Variants in SNX29 observed in about 807,000 individuals in gnomAD.
SNX29 encodes sorting nexin-29.
SNX29 carries 78 observed loss-of-function variants against 102.1 expected under a neutral mutation model. That is an observed-to-expected ratio of 0.76 (90% CI 0.64 to 0.92). SNX29 has a LOEUF of 0.92. Among genes scored for constraint, SNX29 ranks in the 40% least tolerant of loss-of-function variants. The pLI is 0.00. For synonymous variants in SNX29, 580 were observed against 414.5 expected (o/e 1.40, Z -4.85); for missense variants, 1,280 against 1,061.7 (o/e 1.21, Z -2.86).
intron 20 of SNX29, among the ~76,000 whole-genome samples, chr16:12,563,109 A>G (rs996341919): frequency 4.0e-5 from 6 of 148,252 alleles, no homozygotes; most frequent in Non-Finnish European, 6.1e-5. Flanking sequence ...CACGCTAACA[A>G]CAGAGCCTAG....
intron 20 of SNX29, among the ~76,000 whole-genome samples, chr16:12,561,789 T>G (rs925147570): frequency 7.9e-5 from 12 of 152,122 alleles, no homozygotes; most frequent in African/African-American, 2.7e-4. Flanking sequence ...GGACCACGCG[T>G]GGCCTGGCAG....
intron 13 of SNX29, among the ~76,000 whole-genome samples, chr16:12,172,392 A>G (rs1270843008): frequency 4.6e-5 from 7 of 152,132 alleles, no homozygotes; most frequent in East Asian, 1.9e-4. Flanking sequence ...GGTACCTCCA[A>G]TATCTCTGAG....
intron 19 of SNX29, among the ~76,000 whole-genome samples, chr16:12,484,233 C>T (rs564692771): frequency 6.6e-5 from 10 of 152,238 alleles, no homozygotes; most frequent in African/African-American, 1.9e-4. Context: ...ACTGCAGCCT[C>T]GAACTCCCCG....
chr16:12,207,690 G>T (rs1043225649), intron 14 of SNX29, among the ~76,000 whole-genome samples: 4 of 152,112 alleles, frequency 2.6e-5, no homozygotes, highest in East Asian at 3.9e-4. Context: ...GCTCAGGCCA[G>T]ATGTTGCATT....
rs376210990 is a variant in SNX29 at position 12,156,572 on chromosome 16, G to A, written c.1595+26814G>A. Among the ~76,000 whole-genome samples the A allele has an allele frequency of 9.2e-5, 14 of 152,330 alleles. No homozygotes were observed. The East Asian group carries it at 1.5e-3, about 17-fold the overall frequency. On this transcript the variant is annotated intron_variant, in intron 13 of 20. Coordinates refer to ENST00000566228, the MANE Select transcript of SNX29 (RefSeq NM_032167.5). ...TGAAGCCCAATGAAGGTGGATATGG[G>A]GCAGGAGCTCGCTGGGGCTCTGGTG...
intron 15 of SNX29, among the ~76,000 whole-genome samples, chr16:12,334,667 G>C (rs2081394113): frequency 6.6e-6 from 1 of 152,020 alleles, no homozygotes; most frequent in Non-Finnish European, 1.5e-5. Flanking sequence ...CTGAACATTC[G>C]GGCCATTTCC....
intron 1 of SNX29, among the ~76,000 whole-genome samples, chr16:11,998,462 T>C (rs1176201435): frequency 6.6e-6 from 1 of 152,166 alleles, no homozygotes; most frequent in Non-Finnish European, 1.5e-5. Context: ...TGCAGTGGTG[T>C]GGACAAATAG....
rs1380537250 is a variant in SNX29, at chr16:12,572,602, C to CT, written c.*3974dup. On this transcript the variant is annotated 3_prime_UTR_variant, in exon 21 of 21. Coordinates refer to ENST00000566228, the MANE Select transcript of SNX29 (RefSeq NM_032167.5). Reference sequence around the variant, plus strand: ...GTTCTCTGGGCTCCCAGTGAGCCCCCTCCCCTCCGGCTACCCCCAGAATCC... The same window carrying CT: ...GTTCTCTGGGCTCCCAGTGAGCCCCCTTCCCCTCCGGCTACCCCCAGAATCC... The CT allele has an allele frequency of 5.8e-5, 62 of 1,064,384 alleles. 1 individual carries two copies. The African/African-American group carries it at 7.9e-4, about 13-fold the overall frequency. 65.9% of individuals were successfully genotyped at this position (1,064,384 alleles called of 1,614,324 possible). A position where few individuals can be genotyped will look rare whatever the true frequency, so the allele number is the denominator to read the frequency against.
intron 8 of SNX29, among the ~76,000 whole-genome samples, chr16:12,057,260 C>A (rs185260007): frequency 4.6e-5 from 7 of 152,334 alleles, no homozygotes; most frequent in African/African-American, 1.7e-4. Context: ...CAAAGTGAAA[C>A]AAGACTCCAT....
chr16:12,147,786 A>G (rs2055126993), intron 13 of SNX29, among the ~76,000 whole-genome samples: 2 of 152,204 alleles, frequency 1.3e-5, no homozygotes, highest in Non-Finnish European at 2.9e-5. Flanking sequence ...GGCAATTTCC[A>G]TGTCACTGAA....
chr16:12,540,100 C>G (rs924001254), intron 20 of SNX29, among the ~76,000 whole-genome samples: 3 of 152,172 alleles, frequency 2.0e-5, no homozygotes, highest in Non-Finnish European at 2.9e-5. Flanking sequence ...AGCCTAAACC[C>G]AGGTCATAAA....
intron 20 of SNX29, among the ~76,000 whole-genome samples, chr16:12,566,182 C>T (rs998267819): frequency 6.6e-6 from 1 of 152,158 alleles, no homozygotes; most frequent in Non-Finnish European, 1.5e-5. Flanking sequence ...TTAGGTAGCC[C>T]TTGAATCCTT....
chr16:12,065,525 C>G (rs2050993225), intron 9 of SNX29, among the ~76,000 whole-genome samples: 1 of 152,210 alleles, frequency 6.6e-6, no homozygotes, highest in African/African-American at 2.4e-5. Context: ...GTTTCCCCAT[C>G]AAGTCTAAAG....
At chr16:12,547,089 G>A (rs1264112524) in intron 20 of SNX29, among the ~76,000 whole-genome samples, 6 of 152,210 alleles carry the variant, frequency 3.9e-5, no homozygotes, top group Admixed American at 3.9e-4. Flanking sequence ...CCTATGTGAG[G>A]TGGCGATTTC....
intron 11 of SNX29, among the ~76,000 whole-genome samples, chr16:12,088,926 G>T (rs964654184): frequency 1.3e-5 from 2 of 152,078 alleles, no homozygotes; most frequent in Non-Finnish European, 2.9e-5. Flanking sequence ...CATCTCTACT[G>T]ACAGTACAAA....
chr16:12,106,290 C>T (rs546093209), intron 11 of SNX29, among the ~76,000 whole-genome samples: 2 of 152,040 alleles, frequency 1.3e-5, no homozygotes, highest in South Asian at 4.2e-4. Context: ...GACAGAGACC[C>T]TGAGCAACAC....
chr16:12,507,906 A>C (rs766006898), intron 19 of SNX29, among the ~76,000 whole-genome samples: 1 of 152,144 alleles, frequency 6.6e-6, no homozygotes, highest in Non-Finnish European at 1.5e-5. Context: ...GGCCAAGTCA[A>C]GGGCTTTTAA....
intron 17 of SNX29, among the ~76,000 whole-genome samples, chr16:12,401,162 A>G (rs2083925026): frequency 6.6e-6 from 1 of 152,052 alleles, no homozygotes; most frequent in East Asian, 1.9e-4. Context: ...TGGATAGGAT[A>G]ACTAGACAGA....
chr16:12,092,889 C>G (rs2052615162), intron 11 of SNX29, among the ~76,000 whole-genome samples: 1 of 152,158 alleles, frequency 6.6e-6, no homozygotes, highest in South Asian at 2.1e-4. Context: ...TGGCTTTTGG[C>G]TAGGCAAGCC....
Sources: allele counts gnomAD v4.1 joint callset (sites outside exome capture counted in the v4.1 genomes callset), GRCh38; gene constraint gnomAD v4.1.1; transcripts MANE v1.5; gene names NCBI Gene and HGNC (gene_info 2026-07-23, HGNC 2026-07-21).